Variants in SMCO4 observed in about 807,000 individuals in gnomAD.
SMCO4 encodes single-pass membrane and coiled-coil domain-containing protein 4.
SMCO4 carries 4 observed loss-of-function variants against 3.6 expected under a neutral mutation model. The observed-to-expected ratio is 1.11, with a 90% CI of 0.54 to 2.53. The LOEUF is 2.53. SMCO4 is among the 30% of genes most tolerant of loss of function. SMCO4 has a pLI of 0.02. For missense variants in SMCO4, 70 were observed against 80.8 expected (o/e 0.87, Z 0.51); for synonymous variants, 36 against 35.3 (o/e 1.02, Z -0.07).
At chr11:93,491,173 G>A (rs1025831383) in intron 2 of SMCO4, among the ~76,000 whole-genome samples, 5 of 152,156 alleles carry the variant, frequency 3.3e-5, no homozygotes, top group African/African-American at 1.2e-4. Context: ...TTCCTTAACG[G>A]CAGCTCAACT....
chr11:93,483,835 A>G (rs964839365), intron 2 of SMCO4, among the ~76,000 whole-genome samples: 1 of 152,206 alleles, frequency 6.6e-6, no homozygotes, highest in African/African-American at 2.4e-5. Flanking sequence ...TGAAGCCTGG[A>G]CAGTCCCCAC....
intron 2 of SMCO4, among the ~76,000 whole-genome samples, chr11:93,482,812 G>A (rs1184838517): frequency 1.3e-5 from 2 of 152,324 alleles, no homozygotes; most frequent in East Asian, 1.9e-4. Flanking sequence ...TTGTGATGAC[G>A]GGTCTGCATG....
At chr11:93,480,994 G>A (rs148068754) in intron 2 of SMCO4, among the ~76,000 whole-genome samples, 1 of 151,802 alleles carries the variant, frequency 6.6e-6, no homozygotes, top group African/African-American at 2.4e-5. Flanking sequence ...TAAGGGAAGC[G>A]CCATTTGGGC....
Position 93,516,496 on chromosome 11 carries a change from AAG to A in SMCO4, c.-153-17150_-153-17149del, listed in dbSNP as rs548192833. ...ACATTTAGCGCAAACGGAATTAGAA[AAG>A]AGAGAGATCGTCTAGGCGTGGTGGC... On this transcript the variant is annotated intron_variant, in intron 1 of 2. Coordinates refer to ENST00000298966, the MANE Select transcript of SMCO4 (RefSeq NM_020179.3). 2.7e-3 allele frequency among the ~76,000 whole-genome samples: 404 copies of A among 152,350 alleles called. 1 individual carries two copies. The highest frequency in any genetic ancestry group is 9.0e-3 in the African/African-American group (373 of 41,568).
At chr11:93,481,538 C>T in intron 2 of SMCO4, 2 of 984,886 alleles carry the variant, frequency 2.0e-6, no homozygotes, top group South Asian at 4.7e-5. Context: ...CTGGAACACA[C>T]CCCAACGGCC....
At chr11:93,502,338 C>CA (rs1948848871) in intron 1 of SMCO4, among the ~76,000 whole-genome samples, 2 of 152,084 alleles carry the variant, frequency 1.3e-5, no homozygotes, top group Non-Finnish European at 2.9e-5. Flanking sequence ...CCCCTACCCT[C>CA]AAAAACACCC....
intron 1 of SMCO4, chr11:93,535,374 A>T: frequency 1.3e-6 from 1 of 745,250 alleles, no homozygotes; most frequent in Non-Finnish European, 2.2e-6. Context: ...ACCACTCTTA[A>T]CATCTACGAT....
At position 93,478,699 on chromosome 11, in the gene SMCO4, G is replaced by T; in HGVS notation, c.*311C>A. 2.4e-6 allele frequency: 1 copy of T among 413,826 alleles called. No homozygotes were observed. The highest frequency in any genetic ancestry group is 3.4e-6 in the Non-Finnish European group (1 of 297,064). 25.6% of individuals were successfully genotyped at this position (413,826 alleles called of 1,614,324 possible). ...AGGTGGAGCTACTTATCGATTTTTA[G>T]GAGAGAAAAAGAAGCACACACACAC... On this transcript the variant is annotated 3_prime_UTR_variant, in exon 3 of 3. Coordinates refer to ENST00000298966, the MANE Select transcript of SMCO4 (RefSeq NM_020179.3).
At chr11:93,509,257 C>CTT (rs1948936547) in intron 1 of SMCO4, among the ~76,000 whole-genome samples, 1 of 150,344 alleles carries the variant, frequency 6.7e-6, no homozygotes, top group Admixed American at 6.6e-5. Context: ...CACTGCTGTA[C>CTT]TTTAGCTAAG....
At chr11:93,504,337 T>C (rs1309450322) in intron 1 of SMCO4, among the ~76,000 whole-genome samples, 1 of 152,214 alleles carries the variant, frequency 6.6e-6, no homozygotes, top group Non-Finnish European at 1.5e-5. Flanking sequence ...GTTTTCAGAC[T>C]CTGGCAGGAA....
chr11:93,533,484 C>CT (rs1158132082), intron 1 of SMCO4, among the ~76,000 whole-genome samples: 1 of 152,172 alleles, frequency 6.6e-6, no homozygotes, highest in Non-Finnish European at 1.5e-5. Context: ...GCACAGAGAG[C>CT]TGGGCCTACT....
At chr11:93,516,516 G>A (rs572389317) in intron 1 of SMCO4, among the ~76,000 whole-genome samples, 2 of 152,318 alleles carry the variant, frequency 1.3e-5, no homozygotes, top group African/African-American at 2.4e-5. Context: ...TCGTCTAGGC[G>A]TGGTGGCTCA....
At chr11:93,505,594 C>A (rs1948891117) in intron 1 of SMCO4, among the ~76,000 whole-genome samples, 1 of 152,138 alleles carries the variant, frequency 6.6e-6, no homozygotes, top group Non-Finnish European at 1.5e-5. Context: ...AGAAGTTTCA[C>A]AAGTTATTCA....
chr11:93,545,387 G>A (rs1047810773), upstream of SMCO4, among the ~76,000 whole-genome samples: 2 of 151,778 alleles, frequency 1.3e-5, no homozygotes, highest in African/African-American at 4.8e-5. Context: ...CAGGAGTTCG[G>A]GATCAACCTG....
intron 2 of SMCO4, among the ~76,000 whole-genome samples, chr11:93,489,615 T>C (rs1948691283): frequency 6.6e-6 from 1 of 151,752 alleles, no homozygotes; most frequent in South Asian, 2.1e-4. Flanking sequence ...AGGGATGGGG[T>C]TTCATCAGGC....
At chr11:93,533,380 T>G (rs955042620) in intron 1 of SMCO4, among the ~76,000 whole-genome samples, 4 of 152,182 alleles carry the variant, frequency 2.6e-5, no homozygotes, top group Admixed American at 6.5e-5. Flanking sequence ...CAGACCTTTG[T>G]AAAGTGCCTA....
chr11:93,496,263 G>A (rs527772956), intron 2 of SMCO4, among the ~76,000 whole-genome samples: 2 of 152,306 alleles, frequency 1.3e-5, no homozygotes, highest in South Asian at 2.1e-4. Flanking sequence ...GGCGGATACA[G>A]GAAGGCCATG....
At chr11:93,528,315 C>G (rs750206431) in intron 1 of SMCO4, among the ~76,000 whole-genome samples, 3 of 152,132 alleles carry the variant, frequency 2.0e-5, no homozygotes, top group South Asian at 2.1e-4. Context: ...AAATAAAAAG[C>G]CTTTGTTCAA....
At chr11:93,496,229 G>A (rs1237000556) in intron 2 of SMCO4, among the ~76,000 whole-genome samples, 1 of 152,198 alleles carries the variant, frequency 6.6e-6, no homozygotes, top group Non-Finnish European at 1.5e-5. Flanking sequence ...CCTGGCAAAG[G>A]ACGATGTTGG....
Sources: gnomAD v4.1 joint callset for allele counts (sites outside exome capture counted in the v4.1 genomes callset) on GRCh38, gnomAD v4.1.1 for gene constraint, MANE v1.5 for transcripts, NCBI Gene and HGNC (gene_info 2026-07-23, HGNC 2026-07-21) for gene names.